Variants in MIS18A observed in about 807,000 individuals in gnomAD.
MIS18A encodes the protein MIS18 kinetochore protein A.
Under a neutral mutation model 25.0 loss-of-function variants are expected in MIS18A, and 14 were observed. The observed-to-expected ratio is 0.56, with a 90% CI of 0.37 to 0.88. The LOEUF (loss-of-function observed/expected upper bound fraction) is 0.88, where lower values mean the gene tolerates loss of function less well. Among genes scored for constraint, MIS18A ranks in the 40% least tolerant of loss-of-function variants. The probability of loss-of-function intolerance (pLI) is 0.00; values close to 1 mark genes in which losing one functional copy is unlikely to be tolerated. For synonymous variants in MIS18A, 134 were observed against 118.6 expected (o/e 1.13, Z -0.84); for missense variants, 292 against 290.8 (o/e 1.00, Z -0.03).
chr21:32,268,795 G>GTTTT lies in MIS18A; in HGVS notation c.*238_*241dup. Reference sequence around the variant, plus strand: ...TATAGAAGTAATTCTACAATTTTGGGTTTTTTTTTTGAGAGAAGGTCTCAC... The same window carrying GTTTT: ...TATAGAAGTAATTCTACAATTTTGGGTTTTTTTTTTTTTTGAGAGAAGGTCTCAC... On this transcript the variant is annotated 3_prime_UTR_variant, in exon 5 of 5. Transcript: ENST00000290130. 1 of 312,634 alleles carries GTTTT rather than the reference G, an allele frequency of 3.2e-6. No individual in the cohort carries two copies. Among genetic ancestry groups the GTTTT allele is most frequent in the Non-Finnish European group, 5.9e-6 (1 of 169,716 alleles). The allele number at this position is 312,634 out of a possible 1,614,324, so 19.4% of individuals were successfully genotyped here.
At chr21:32,160,584 G>T in the MIS18A span, among the ~76,000 whole-genome samples, 1 of 151,796 alleles carries the variant, frequency 6.6e-6, no homozygotes, top group Non-Finnish European at 1.5e-5. Flanking sequence ...GTCCGGAAAG[G>T]TGGGACAACT....
chr21:32,228,403 A>C, the MIS18A span, among the ~76,000 whole-genome samples: 2 of 152,204 alleles, frequency 1.3e-5, no homozygotes, highest in Non-Finnish European at 2.9e-5. Context: ...ATCGCCTTTA[A>C]TAGTGAAAGG....
intron 1 of MIS18A, among the ~76,000 whole-genome samples, chr21:32,275,586 G>A (rs2031794396): frequency 6.6e-6 from 1 of 152,178 alleles, no homozygotes; most frequent in South Asian, 2.1e-4. Flanking sequence ...AAAGAATCCA[G>A]CTCTAGGAAA....
At chr21:32,217,389 G>A in the MIS18A span, among the ~76,000 whole-genome samples, 1 of 152,034 alleles carries the variant, frequency 6.6e-6, no homozygotes, top group Non-Finnish European at 1.5e-5. Context: ...GCTGGCAGAA[G>A]AAAGAAACAA....
chr21:32,173,313 G>A, the MIS18A span, among the ~76,000 whole-genome samples: 1 of 152,262 alleles, frequency 6.6e-6, no homozygotes, highest in South Asian at 2.1e-4. Flanking sequence ...GCAGGAATGT[G>A]GAGAATTTGG....
the MIS18A span, among the ~76,000 whole-genome samples, chr21:32,205,930 C>A: frequency 9.3e-5 from 11 of 117,808 alleles, no homozygotes; most frequent in Non-Finnish European, 1.2e-4. Context: ...TTTGAGAGAC[C>A]CCCCCCATTC....
the MIS18A span, among the ~76,000 whole-genome samples, chr21:32,159,825 G>A: frequency 9.6e-4 from 146 of 152,350 alleles, 1 homozygote; most frequent in East Asian, 0.025. Context: ...CTAGTCAACA[G>A]AAAGGAATGC....
the MIS18A span, among the ~76,000 whole-genome samples, chr21:32,167,459 A>G: frequency 6.6e-6 from 1 of 152,228 alleles, no homozygotes; most frequent in Non-Finnish European, 1.5e-5. Flanking sequence ...AAATTATAAA[A>G]CTAGAAATTA....
Position 32,270,124 on chromosome 21 carries a change from G to A in MIS18A, c.524+283C>T, listed in dbSNP as rs567010752. ...TAAAAATAAAAAGCTGGGGGCAGGG[G>A]GCAATATCCTACTGAACTACTTTCA... On this transcript the variant is annotated intron_variant, in intron 3 of 4. Coordinates refer to ENST00000290130, the MANE Select transcript of MIS18A (RefSeq NM_018944.3). 3.3e-5 allele frequency among the ~76,000 whole-genome samples: 5 copies of A among 152,110 alleles called. No homozygotes were observed. The South Asian group carries it at 1.0e-3, about 32-fold the overall frequency.
the MIS18A span, among the ~76,000 whole-genome samples, chr21:32,181,543 C>T: frequency 6.6e-6 from 1 of 152,142 alleles, no homozygotes; most frequent in African/African-American, 2.4e-5. Flanking sequence ...TGCTTACCAG[C>T]ATGGGTCTTG....
At chr21:32,200,356 G>A in the MIS18A span, among the ~76,000 whole-genome samples, 1 of 152,108 alleles carries the variant, frequency 6.6e-6, no homozygotes, top group African/African-American at 2.4e-5. Context: ...GGTTGTACCT[G>A]GTCCCAAGAC....
chr21:32,165,858 A>G, the MIS18A span, among the ~76,000 whole-genome samples: 13 of 152,218 alleles, frequency 8.5e-5, no homozygotes, highest in Admixed American at 4.6e-4. Context: ...GCATTAAAAA[A>G]TATCTTTTTA....
the MIS18A span, among the ~76,000 whole-genome samples, chr21:32,186,185 G>A: frequency 6.6e-6 from 1 of 152,198 alleles, no homozygotes; most frequent in South Asian, 2.1e-4. Flanking sequence ...TTGTGGCCTT[G>A]GACAGTAACT....
At chr21:32,218,096 G>C in the MIS18A span, among the ~76,000 whole-genome samples, 1 of 150,212 alleles carries the variant, frequency 6.7e-6, no homozygotes, top group Non-Finnish European at 1.5e-5. Flanking sequence ...GGGAGGCTGA[G>C]GCAGGAAAAT....
Position 32,269,011 on chromosome 21 carries a change from G to T in MIS18A, c.*26C>A. 6.6e-7 allele frequency: 1 copy of T among 1,517,512 alleles called. No individual in the cohort carries two copies. The highest frequency in any genetic ancestry group is 9.0e-7 in the Non-Finnish European group (1 of 1,106,750). The allele number at this position is 1,517,512 out of a possible 1,614,324, so 94.0% of individuals were successfully genotyped here. On this transcript the variant is annotated 3_prime_UTR_variant, in exon 5 of 5. Coordinates refer to ENST00000290130, the MANE Select transcript of MIS18A (RefSeq NM_018944.3). ...ACAAATAAGGGGAGGAAGGGCGGGG[G>T]CAGAATGGAGGACACAGACTAGAGT...
chr21:32,272,216 T>G (rs1268236514), intron 2 of MIS18A, among the ~76,000 whole-genome samples: 1 of 152,230 alleles, frequency 6.6e-6, no homozygotes, highest in Non-Finnish European at 1.5e-5. Flanking sequence ...AATAATCCGA[T>G]TGTTAAGATC....
the MIS18A span, among the ~76,000 whole-genome samples, chr21:32,159,564 A>C: frequency 6.6e-6 from 1 of 152,252 alleles, no homozygotes; most frequent in African/African-American, 2.4e-5. Context: ...GAAGAGATTT[A>C]TTGTGAGCCA....
At chr21:32,252,274 GGAGGAGGAA>G in the MIS18A span, among the ~76,000 whole-genome samples, 257 of 137,036 alleles carry the variant, frequency 1.9e-3, 4 homozygotes, top group African/African-American at 6.8e-3. Context: ...AGGAGGAGGA[GGAGGAGGAA>G]GAGAGAAGAG....
intron 2 of MIS18A, 87 bp downstream of exon 2, chr21:32,274,743 A>G (rs1395249212): frequency 9.7e-7 from 1 of 1,032,220 alleles, no homozygotes; most frequent in Non-Finnish European, 1.4e-6. Flanking sequence ...TTTTATCCCA[A>G]GTAATCTTAC....
Sources: allele counts gnomAD v4.1 joint callset (sites outside exome capture counted in the v4.1 genomes callset), GRCh38; gene constraint gnomAD v4.1.1; transcripts MANE v1.5; gene names NCBI Gene and HGNC (gene_info 2026-07-23, HGNC 2026-07-21).